PPM1E: variants seen among roughly 807,000 people sequenced by gnomAD.
PPM1E encodes protein phosphatase 1E.
In PPM1E, 20 loss-of-function variants were observed where a neutral mutation model predicts 65.9. The observed-to-expected ratio is 0.30, with a 90% CI of 0.21 to 0.44. PPM1E has a LOEUF of 0.44. Among genes scored for constraint, PPM1E ranks in the 20% least tolerant of loss-of-function variants. The probability of loss-of-function intolerance (pLI) is 1.00; values close to 1 mark genes in which losing one functional copy is unlikely to be tolerated. For synonymous variants in PPM1E, 352 were observed against 374.9 expected (o/e 0.94, Z 0.70); for missense variants, 713 against 953.1 (o/e 0.75, Z 3.32).
At chr17:58,944,134 C>T (rs1261027684) in intron 1 of PPM1E, among the ~76,000 whole-genome samples, 2 of 152,064 alleles carry the variant, frequency 1.3e-5, no homozygotes, top group African/African-American at 4.8e-5. Flanking sequence ...TGTTTCCCCT[C>T]TGTGCCAAAC....
At chr17:58,844,090 AT>A (rs993346765) in intron 1 of PPM1E, among the ~76,000 whole-genome samples, 2 of 152,166 alleles carry the variant, frequency 1.3e-5, no homozygotes, top group African/African-American at 2.4e-5. Context: ...TTATAGTACT[AT>A]TTTTTGAGAA....
At chr17:58,779,195 G>A (rs1598565521) in intron 1 of PPM1E, among the ~76,000 whole-genome samples, 1 of 131,856 alleles carries the variant, frequency 7.6e-6, no homozygotes, top group East Asian at 2.3e-4. Flanking sequence ...TTTTTTTTGA[G>A]TCGGAGTTTT....
intron 1 of PPM1E, among the ~76,000 whole-genome samples, chr17:58,812,164 T>A (rs1374339762): frequency 6.6e-6 from 1 of 151,016 alleles, no homozygotes; most frequent in Non-Finnish European, 1.5e-5. Context: ...ATTAGCCAGG[T>A]GTGGTGGCAG....
At chr17:58,965,968 A>G (rs1248282414) in intron 3 of PPM1E, 75 bp downstream of exon 3, 2 of 1,425,748 alleles carry the variant, frequency 1.4e-6, no homozygotes, top group Non-Finnish European at 1.9e-6. Flanking sequence ...TTAGAAAAGG[A>G]AAACTTCTGT....
chr17:58,866,800 A>G (rs896660896), intron 1 of PPM1E, among the ~76,000 whole-genome samples: 5 of 152,166 alleles, frequency 3.3e-5, no homozygotes, highest in Middle Eastern at 3.2e-3. Flanking sequence ...CTCCACAAAG[A>G]AAGCAAAAGA....
At chr17:58,871,770 C>T (rs540692547) in intron 1 of PPM1E, among the ~76,000 whole-genome samples, 53 of 150,150 alleles carry the variant, frequency 3.5e-4, no homozygotes, top group Admixed American at 3.1e-3. Flanking sequence ...GAGCCATGAT[C>T]ATCGATACTG....
intron 1 of PPM1E, among the ~76,000 whole-genome samples, chr17:58,784,213 G>A (rs953550123): frequency 2.0e-4 from 30 of 150,922 alleles, no homozygotes; most frequent in East Asian, 2.0e-4. Flanking sequence ...TAGTAGAGAC[G>A]GGTTTCACCA....
At chr17:58,925,519 C>T (rs1357678702) in intron 1 of PPM1E, among the ~76,000 whole-genome samples, 1 of 152,034 alleles carries the variant, frequency 6.6e-6, no homozygotes, top group Admixed American at 6.6e-5. Context: ...CGGCTCACTG[C>T]AAGGTCCGCC....
chr17:58,878,535 C>A (rs181640854), intron 1 of PPM1E, among the ~76,000 whole-genome samples: 1 of 151,628 alleles, frequency 6.6e-6, no homozygotes, highest in Non-Finnish European at 1.5e-5. Flanking sequence ...TGAGCCACCA[C>A]GCCTAGCCAG....
chr17:58,934,083 G>A (rs924142574), intron 1 of PPM1E, among the ~76,000 whole-genome samples: 9 of 105,638 alleles, frequency 8.5e-5, no homozygotes, highest in African/African-American at 2.2e-4. Flanking sequence ...GCAAGACTTC[G>A]TATCAAAAAA....
At chr17:58,802,002 C>A (rs2050263353) in intron 1 of PPM1E, among the ~76,000 whole-genome samples, 1 of 152,116 alleles carries the variant, frequency 6.6e-6, no homozygotes, top group South Asian at 2.1e-4. Flanking sequence ...AAGTGATCCA[C>A]CCACCTCAGC....
chr17:58,890,652 T>C (rs2051333769), intron 1 of PPM1E, among the ~76,000 whole-genome samples: 2 of 152,152 alleles, frequency 1.3e-5, no homozygotes, highest in Admixed American at 1.3e-4. Context: ...CACACATATA[T>C]ATATATACAT....
intron 1 of PPM1E, among the ~76,000 whole-genome samples, chr17:58,788,332 C>T (rs1241658164): frequency 6.6e-6 from 1 of 152,130 alleles, no homozygotes; most frequent in Admixed American, 6.6e-5. Flanking sequence ...TCTGTATAAA[C>T]TCTTTCTTTC....
At chr17:58,833,092 TCA>T (rs1467930383) in intron 1 of PPM1E, among the ~76,000 whole-genome samples, 2 of 151,990 alleles carry the variant, frequency 1.3e-5, no homozygotes, top group South Asian at 2.1e-4. Flanking sequence ...TCACAAGATT[TCA>T]CAGTTATTAT....
rs530916755 is a variant in PPM1E at position 58,866,163 on chromosome 17, A to G, written c.465-89486A>G. Among the ~76,000 whole-genome samples the G allele has an allele frequency of 2.6e-5, 4 of 152,334 alleles. No individual in the cohort carries two copies. The South Asian group carries it at 8.3e-4, about 32-fold the overall frequency. ...TCTAGTTAGATAGGCAGCCTTTTCA[A>G]GTTAGCTTTTTTCTTGATTAGATTA... On this transcript the variant is annotated intron_variant, in intron 1 of 6. Transcript: ENST00000308249.
intron 1 of PPM1E, among the ~76,000 whole-genome samples, chr17:58,792,839 C>T (rs1348224770): frequency 2.1e-5 from 3 of 141,134 alleles, no homozygotes; most frequent in East Asian, 2.1e-4. Context: ...CTGCAACCTC[C>T]GCCTCCTGGG....
intron 1 of PPM1E, among the ~76,000 whole-genome samples, chr17:58,766,253 G>A (rs1228507973): frequency 3.6e-5 from 5 of 138,182 alleles, no homozygotes. Context: ...CCAGGCTGGA[G>A]TGCAGTGGCA....
At chr17:58,894,692 A>T (rs1049172199) in intron 1 of PPM1E, among the ~76,000 whole-genome samples, 1 of 152,176 alleles carries the variant, frequency 6.6e-6, no homozygotes, top group Non-Finnish European at 1.5e-5. Flanking sequence ...ACATATACAC[A>T]CAAACACACA....
At chr17:58,972,356 T>C (rs2030687433) in intron 5 of PPM1E, 81 bp downstream of exon 5, 1 of 432,948 alleles carries the variant, frequency 2.3e-6, no homozygotes, top group Non-Finnish European at 3.3e-6. Flanking sequence ...ATTCACTTAC[T>C]TTTTTTTTTT....
Sources: allele counts gnomAD v4.1 joint callset (sites outside exome capture counted in the v4.1 genomes callset), GRCh38; gene constraint gnomAD v4.1.1; transcripts MANE v1.5; gene names NCBI Gene and HGNC (gene_info 2026-07-23, HGNC 2026-07-21).